Variants in EMILIN1 observed in about 807,000 individuals in gnomAD.
The protein encoded by EMILIN1 is elastin microfibril interfacer 1.
A neutral mutation model predicts 82.4 loss-of-function variants in EMILIN1; 49 were observed. The ratio of observed to expected loss-of-function variants is 0.59; its 90% CI spans 0.47 to 0.75. The LOEUF (loss-of-function observed/expected upper bound fraction) is 0.75. Among genes scored for constraint, EMILIN1 ranks in the 30% least tolerant of loss-of-function variants. EMILIN1 has a pLI of 0.00. For missense variants in EMILIN1, 1,313 were observed against 1,366.4 expected, an observed-to-expected ratio of 0.96 and a Z score of 0.62; for synonymous variants, 604 against 602.2, an observed-to-expected ratio of 1.00 and a Z score of -0.04.
In EMILIN1 at chr2:27,078,837, C is replaced by T. The variant is rs1428650041; in HGVS notation, c.-229C>T. On this transcript the variant is annotated 5_prime_UTR_variant, in exon 1 of 8. Transcript: ENST00000380320. Reference sequence around the variant, plus strand: ...ACCCCCTCAGAAGTGAAGAGGAGAGCGGAAGGAACCGAGAGGGGACGGACA... The same window carrying T: ...ACCCCCTCAGAAGTGAAGAGGAGAGTGGAAGGAACCGAGAGGGGACGGACA... 3.2e-5 allele frequency: 15 copies of T among 466,998 alleles called. No homozygotes were observed. The highest frequency in any genetic ancestry group is 7.2e-5 in the East Asian group (2 of 27,844). 28.9% of individuals were successfully genotyped at this position (466,998 alleles called of 1,614,324 possible).
Position 27,081,939 on chromosome 2 carries a change from GTTTC to G in EMILIN1, c.512-140_512-137del, listed in dbSNP as rs938913358. The stretch of plus-strand genomic sequence containing the variant: ...GGCCTAGAGGCATTCAGTGAATGGA[GTTTC>G]TTTTTTTTTCTCTTGCCAAAATCAC... On this transcript the variant is annotated intron_variant, in intron 3 of 7. Transcript: ENST00000380320. The G allele has an allele frequency of 3.9e-6, 4 of 1,029,534 alleles. No homozygotes were observed. The African/African-American group carries it at 4.9e-5, about 12-fold the overall frequency. The allele number at this position is 1,029,534 out of a possible 1,614,324, so 63.8% of individuals were successfully genotyped here. A position where few individuals can be genotyped will look rare whatever the true frequency, so the allele number is the denominator to read the frequency against.
rs1669485476 is a variant in EMILIN1, at chr2:27,082,091, G to A, written c.520G>A (p.Glu174Lys). Residue 174 changes from glutamate (E) to lysine (K), a missense_variant, in exon 4 of 8, where the codon GAG (glutamate) becomes AAG (lysine). Glu to Lys is a moderately conservative substitution (Grantham distance 56). Coordinates refer to ENST00000380320, the MANE Select transcript of EMILIN1 (RefSeq NM_007046.4). ...LSGLGGEGPGESEKVQQLEEQ... is the reference protein window; with the variant it reads ...LSGLGGEGPGKSEKVQQLEEQ... Reference sequence around the variant, plus strand: ...CCTTCCCCTCTCCTCAGGTCCTGGGGAGTCAGAGAAGGTGCAGCAGCTGGA... The same window carrying A: ...CCTTCCCCTCTCCTCAGGTCCTGGGAAGTCAGAGAAGGTGCAGCAGCTGGA... 1 of 1,611,800 alleles carries A rather than the reference G, an allele frequency of 6.2e-7. No individual in the cohort carries two copies. The highest frequency in any genetic ancestry group is 1.7e-5 in the Admixed American group (1 of 59,932).
At chr2:27,079,307 T>C in intron 1 of EMILIN1, 72 bp downstream of exon 1, 1 of 1,306,504 alleles carries the variant, frequency 7.7e-7, no homozygotes, top group Non-Finnish European at 1.0e-6. Context: ...TGCCTGGCTC[T>C]CTGCTGTGTC....
At position 27,083,711 on chromosome 2, in the gene EMILIN1, C is replaced by T; in HGVS notation, c.2140C>T (p.Gln714Ter). The T allele has an allele frequency of 6.2e-7, 1 of 1,614,018 alleles. No homozygotes were observed. Among genetic ancestry groups the T allele is most frequent in the East Asian group, 2.2e-5 (1 of 44,864 alleles). ...EERFRGLEEG[Q>*]AQAGQCPSLE... ...GCGCTTCCGAGGCCTAGAGGAGGGACAAGCACAGGCCGGCCAGTGCCCCAG... is the reference window on the plus strand; with the variant it reads ...GCGCTTCCGAGGCCTAGAGGAGGGATAAGCACAGGCCGGCCAGTGCCCCAG... The change falls in exon 4 of 8, where the codon CAA (glutamine) becomes TAA (stop). Residue 714 changes from glutamine (Q) to a stop codon, truncating the protein, a stop_gained. Coordinates refer to ENST00000380320, the MANE Select transcript of EMILIN1 (RefSeq NM_007046.4). LOFTEE classifies it high-confidence loss of function.
In EMILIN1 at chr2:27,079,206, G is replaced by T. The variant is rs897832283; in HGVS notation, c.141G>T (p.Gln47His). The change falls in exon 1 of 8, where the codon CAG (glutamine) becomes CAT (histidine). Residue 47 changes from glutamine to histidine, a missense_variant. Coordinates refer to ENST00000380320, the MANE Select transcript of EMILIN1 (RefSeq NM_007046.4). ...TCAGCCCCGGGGGGCCCCAGGCCCA[G>T]ATTGCCCCCCGGCCAGCCAGCCGCC... Reference protein sequence around the residue: ...GALSPGGPQAQIAPRPASRHR... With the variant: ...GALSPGGPQAHIAPRPASRHR... 3 of 1,578,976 alleles carry T rather than the reference G, an allele frequency of 1.9e-6. No individual in the cohort carries two copies. Among genetic ancestry groups the T allele is most frequent in the Non-Finnish European group, 2.6e-6 (3 of 1,168,192 alleles).
chr2:27,083,415 G>C lies in EMILIN1; in HGVS notation c.1844G>C (p.Gly615Ala). ...PLLPPRGPGA[G>A]PGVGGPSRGP... The stretch of plus-strand genomic sequence containing the variant: ...TTGCCTCCTCGGGGTCCTGGGGCTG[G>C]TCCAGGTGTTGGGGGCCCAAGCCGT... Residue 615 changes from glycine to alanine, a missense_variant, in exon 4 of 8, where the codon GGT becomes GCT. Transcript: ENST00000380320. 3 of 1,612,180 alleles carry C rather than the reference G, an allele frequency of 1.9e-6. No individual in the cohort carries two copies. The highest frequency in any genetic ancestry group is 2.5e-6 in the Non-Finnish European group (3 of 1,179,976).
intron 3 of EMILIN1, 106 bp from the exon 4 acceptor site, chr2:27,081,977 G>A: frequency 5.1e-6 from 7 of 1,364,656 alleles, no homozygotes; most frequent in Non-Finnish European, 4.9e-6. Flanking sequence ...ACCCAAAGGA[G>A]AGGCAGAGCC....
In EMILIN1 at chr2:27,082,797, G is replaced by GCCTGGAGGA. The variant is rs1558434068; in HGVS notation, c.1229_1237dup (p.Leu410_Asp412dup). On this transcript the variant is annotated inframe_insertion, in exon 4 of 8. Coordinates refer to ENST00000380320, the MANE Select transcript of EMILIN1 (RefSeq NM_007046.4). ...ACCAGCTTGGCCTCCCGCCTGTCTC[G>GCCTGGAGGA]CCTGGAGGACCGCTTCAACTCCACC... The GCCTGGAGGA allele has an allele frequency of 6.5e-7, 1 of 1,549,844 alleles. No homozygotes were observed. The highest frequency in any genetic ancestry group is 1.2e-5 in the South Asian group (1 of 85,226).
At position 27,086,086 on chromosome 2, in the gene EMILIN1, C is replaced by G. The variant is rs1360616842; in HGVS notation, c.*71C>G. The G allele has an allele frequency of 9.2e-6, 11 of 1,193,488 alleles. No individual in the cohort carries two copies. Among genetic ancestry groups the G allele is most frequent in the Non-Finnish European group, 1.0e-5 (9 of 901,372 alleles). 73.9% of individuals were successfully genotyped at this position (1,193,488 alleles called of 1,614,324 possible). ...GGGGCGGCGGGCTCCTGGGGTCTCG[C>G]CTGAGACGGGGCACCTAGCCCTGGG... On this transcript the variant is annotated 3_prime_UTR_variant, in exon 8 of 8. Transcript: ENST00000380320.
chr2:27,083,607 G>T lies in EMILIN1; in HGVS notation c.2036G>T (p.Gly679Val). 1 of 1,613,420 alleles carries T rather than the reference G, an allele frequency of 6.2e-7. No homozygotes were observed. Among genetic ancestry groups the T allele is most frequent in the Non-Finnish European group, 8.5e-7 (1 of 1,179,502 alleles). ...CAGGGCGCTGATCTGGCTGACCTGG[G>T]GGCAACCAAGGACCGTATCATTTCT... is the stretch of plus-strand genomic sequence containing the variant. ...EGQGADLADLGATKDRIISEI... is the reference protein window; with the variant it reads ...EGQGADLADLVATKDRIISEI... Residue 679 changes from glycine (G) to valine (V), a missense_variant, in exon 4 of 8, where the codon GGG becomes GTG. Physicochemically the swap from Gly to Val is moderately radical, Grantham distance 109. Transcript: ENST00000380320.
At position 27,083,825 on chromosome 2, in the gene EMILIN1, T is replaced by G; in HGVS notation, c.2254T>G (p.Ser752Ala). 6.3e-7 allele frequency: 1 copy of G among 1,598,432 alleles called. No individual in the cohort carries two copies. Among genetic ancestry groups the G allele is most frequent in the Non-Finnish European group, 8.6e-7 (1 of 1,168,140 alleles). Reference sequence around the variant, plus strand: ...ACTGCAGGGCCTGCGCGAGGGCCTTTCCAGACACGTGGCTGGGCTCTGGGC... The same window carrying G: ...ACTGCAGGGCCTGCGCGAGGGCCTTGCCAGACACGTGGCTGGGCTCTGGGC... ...GGLQGLREGL[S>A]RHVAGLWAGL... Residue 752 changes from serine (S) to alanine (A), a missense_variant, in exon 4 of 8, where the codon TCC (serine) becomes GCC (alanine). By Grantham distance (99) the Ser-to-Ala change is moderately conservative (BLOSUM62 1). Transcript: ENST00000380320.
intron 2 of EMILIN1, 75 bp from the exon 3 acceptor site, chr2:27,080,657 C>T (rs1053017695): frequency 7.8e-7 from 1 of 1,282,960 alleles, no homozygotes; most frequent in Non-Finnish European, 1.1e-6. Flanking sequence ...CAGCAGCTGC[C>T]CACCCCTGAG....
Position 27,084,991 on chromosome 2 carries a change from GTCC to G in EMILIN1, c.2561_2563del (p.Pro854del). 1 of 1,613,886 alleles carries G rather than the reference GTCC, an allele frequency of 6.2e-7. No homozygotes were observed. The highest frequency in any genetic ancestry group is 8.5e-7 in the Non-Finnish European group (1 of 1,179,760). On this transcript the variant is annotated inframe_deletion and splice_region_variant, in exon 6 of 8. Coordinates refer to ENST00000380320, the MANE Select transcript of EMILIN1 (RefSeq NM_007046.4). ...ACTGCTCCCTTTCCTCTTCTCACAG[GTCC>G]TCAAGGTGAACAGGGTGAGTGCCTT... is the stretch of plus-strand genomic sequence containing the variant.
intron 2 of EMILIN1, among the ~76,000 whole-genome samples, chr2:27,080,487 T>C (rs1669454484): frequency 6.6e-6 from 1 of 152,152 alleles, no homozygotes; most frequent in Non-Finnish European, 1.5e-5. Context: ...TTCTCTGGGA[T>C]GGCTCAGGCT....
rs574883284 is a variant in EMILIN1, at chr2:27,083,054, G to A, written c.1483G>A (p.Glu495Lys). 1.2e-5 allele frequency: 18 copies of A among 1,545,208 alleles called. No individual in the cohort carries two copies. The South Asian group carries it at 1.4e-4, about 12-fold the overall frequency. Residue 495 changes from glutamate to lysine, a missense_variant, in exon 4 of 8, where the codon GAG (glutamate) becomes AAG (lysine). By Grantham distance (56) the Glu-to-Lys change is moderately conservative (BLOSUM62 1). Coordinates refer to ENST00000380320, the MANE Select transcript of EMILIN1 (RefSeq NM_007046.4). ...APGEQDSQVS[E>K]ILSALERRVL... ...TGGGGAGCAGGACTCTCAAGTCAGC[G>A]AGATCCTCAGTGCCTTGGAGCGCAG...
Position 27,082,144 on chromosome 2 carries a change from GCTGCAAGGCCTGCGGGGCGTC to G in EMILIN1, c.582_602del (p.Arg196_Leu202del). 1 of 1,613,826 alleles carries G rather than the reference GCTGCAAGGCCTGCGGGGCGTC, an allele frequency of 6.2e-7. No individual in the cohort carries two copies. On this transcript the variant is annotated inframe_deletion, in exon 4 of 8. Transcript: ENST00000380320. ...AACAGGTGCAGAGCCTGACCAAGGA[GCTGCAAGGCCTGCGGGGCGTC>G]CTGCAAGGACTGAGCGGGCGCCTGG... is the stretch of plus-strand genomic sequence containing the variant.
Position 27,085,719 on chromosome 2 carries a change from G to A in EMILIN1, c.2755G>A (p.Ala919Thr). 1 of 1,606,766 alleles carries A rather than the reference G, an allele frequency of 6.2e-7. No homozygotes were observed. Among genetic ancestry groups the A allele is most frequent in the Non-Finnish European group, 8.5e-7 (1 of 1,174,906 alleles). ...ACTGGCTGGACGCTACTTGCTGAGC[G>A]CGGTGCTGACTGGGCACCGGCACGA... ...APLAGRYLLS[A>T]VLTGHRHEKV... is the part of the protein sequence containing the mutation. Residue 919 changes from alanine (A) to threonine (T), a missense_variant, in exon 8 of 8, where the codon GCG becomes ACG. Coordinates refer to ENST00000380320, the MANE Select transcript of EMILIN1 (RefSeq NM_007046.4).
chr2:27,080,754 C>T lies in EMILIN1; in HGVS notation c.313C>T (p.Arg105Cys), dbSNP rs762001510. 3 of 1,613,488 alleles carry T rather than the reference C, an allele frequency of 1.9e-6. No homozygotes were observed. Among genetic ancestry groups the T allele is most frequent in the Non-Finnish European group, 2.5e-6 (3 of 1,179,848 alleles). ...CAGGTACCGCCGCTTCCTCCGCCCT[C>T]GCTACCGTGTGGCCTACAAGACAGT... Reference protein sequence around the residue: ...SIMYRRFLRPRYRVAYKTVTD... With the variant: ...SIMYRRFLRPCYRVAYKTVTD... Residue 105 changes from arginine to cysteine, a missense_variant, in exon 3 of 8, where the codon CGC becomes TGC. Coordinates refer to ENST00000380320, the MANE Select transcript of EMILIN1 (RefSeq NM_007046.4).
Position 27,085,995 on chromosome 2 carries a change from C to G in EMILIN1, c.3031C>G (p.Pro1011Ala). ...CAGCGGGGCCCTGCTCTATGGGGAC[C>G]CAGAGCTTGAACACGCGTAGACTGG... ...IFSGALLYGDPELEHA is the reference protein window; with the variant it reads ...IFSGALLYGDAELEHA The change falls in exon 8 of 8, where the codon CCA becomes GCA. Residue 1011 changes from proline to alanine, a missense_variant. Pro to Ala is a conservative substitution (Grantham distance 27). Coordinates refer to ENST00000380320, the MANE Select transcript of EMILIN1 (RefSeq NM_007046.4). 2 of 1,462,524 alleles carry G rather than the reference C, an allele frequency of 1.4e-6. No individual in the cohort carries two copies. The highest frequency in any genetic ancestry group is 1.8e-6 in the Non-Finnish European group (2 of 1,099,216). 90.6% of individuals were successfully genotyped at this position (1,462,524 alleles called of 1,614,324 possible).
Sources: gnomAD v4.1 joint callset for allele counts (sites outside exome capture counted in the v4.1 genomes callset) on GRCh38, gnomAD v4.1.1 for gene constraint, MANE v1.5 for transcripts, NCBI Gene and HGNC (gene_info 2026-07-23, HGNC 2026-07-21) for gene names.